MCM2: variants seen among roughly 807,000 people sequenced by gnomAD.
The protein encoded by MCM2 is minichromosome maintenance complex component 2, also known as DNA replication licensing factor MCM2.
In MCM2, 49 loss-of-function variants were observed where a neutral mutation model predicts 86.4. The observed-to-expected ratio is 0.57, with a 90% CI of 0.45 to 0.72. MCM2 has a LOEUF of 0.72. MCM2 is among the 30% of genes least tolerant of loss of function. MCM2 has a pLI of 0.00. For missense variants in MCM2, 1,038 were observed against 1,259.9 expected (o/e 0.82, Z 2.67); for synonymous variants, 475 against 484.6 (o/e 0.98, Z 0.26).
chr3:127,608,631 T>C, intron 7 of MCM2, 115 bp downstream of exon 7: 1 of 1,404,096 alleles, frequency 7.1e-7, no homozygotes, highest in Non-Finnish European at 9.8e-7. Context: ...GGCTAGGATC[T>C]GTTTTTGCAT....
Position 127,599,364 on chromosome 3 carries a change from G to C in MCM2, c.53G>C (p.Arg18Pro), listed in dbSNP as rs185298481. The C allele has an allele frequency of 2.6e-4, 420 of 1,614,108 alleles. 3 individuals are homozygous for C. In the East Asian group the frequency reaches 8.9e-3, roughly 34 times the overall value. ...ATGGCATCCAGCCCGGCCCAGCGTC[G>C]GCGAGGCAATGATCCTCTCACCTCC... ...FTMASSPAQR[R>P]RGNDPLTSSP... Residue 18 changes from arginine to proline, a missense_variant, in exon 2 of 16, where the codon CGG becomes CCG. Arg to Pro is a moderately radical substitution (Grantham distance 103). Coordinates refer to ENST00000265056, the MANE Select transcript of MCM2 (RefSeq NM_004526.4).
At position 127,621,937 on chromosome 3, in the gene MCM2, C is replaced by T; in HGVS notation, c.*164C>T. The T allele has an allele frequency of 3.5e-6, 2 of 576,172 alleles. No homozygotes were observed. Among genetic ancestry groups the T allele is most frequent in the South Asian group, 2.1e-5 (1 of 47,366 alleles). 35.7% of individuals were successfully genotyped at this position (576,172 alleles called of 1,614,324 possible). ...GCACCTGGCATGACTGTTTGTTTCT[C>T]CAAGCCTGCTTTGTGCTTCTCACCT... On this transcript the variant is annotated 3_prime_UTR_variant, in exon 16 of 16. Transcript: ENST00000265056.
intron 9 of MCM2, 29 bp from the exon 10 acceptor site, chr3:127,616,839 C>A: frequency 6.2e-7 from 1 of 1,602,022 alleles, no homozygotes; most frequent in South Asian, 1.1e-5. Context: ...CCACTCTCCC[C>A]CTCCCCCGCT....
In MCM2 at chr3:127,608,522, T is replaced by C. The variant is rs200726922; in HGVS notation, c.1236+6T>C. ...GCAAGCCAGGAGACGAGATAGTAAG[T>C]GGCCGGGGCAGGCTGGGAGGGAGCC... On this transcript the variant is annotated splice_donor_region_variant and intron_variant, in intron 7 of 15. Coordinates refer to ENST00000265056, the MANE Select transcript of MCM2 (RefSeq NM_004526.4). 1.3e-4 allele frequency: 214 copies of C among 1,613,888 alleles called. No homozygotes were observed. Among genetic ancestry groups the C allele is most frequent in the Non-Finnish European group, 1.8e-4 (211 of 1,179,972 alleles).
Position 127,617,218 on chromosome 3 carries a change from A to C in MCM2, c.1774-61A>C, listed in dbSNP as rs1158525707. Reference sequence around the variant, plus strand: ...TGTTAATGGGGTCCATTGGGACCTCATCGGAGACTTAGTAGTAGGGGCGTG... The same window carrying C: ...TGTTAATGGGGTCCATTGGGACCTCCTCGGAGACTTAGTAGTAGGGGCGTG... On this transcript the variant is annotated intron_variant, in intron 10 of 15. Transcript: ENST00000265056. The surrounding 1 kb of genome is among the most constrained non-coding windows in gnomAD (Gnocchi z 4.1). The C allele has an allele frequency of 6.2e-7, 1 of 1,608,320 alleles. No individual in the cohort carries two copies. The highest frequency in any genetic ancestry group is 8.5e-7 in the Non-Finnish European group (1 of 1,175,834).
chr3:127,600,055 G>A (rs553780271), intron 2 of MCM2, among the ~76,000 whole-genome samples: 3 of 152,336 alleles, frequency 2.0e-5, no homozygotes, highest in East Asian at 1.9e-4. Context: ...CGAGGTGGGC[G>A]GATCACCTGA....
rs146623207 is a variant in MCM2, at chr3:127,610,902, C to T, written c.1428+1879C>T. 974 of 456,636 alleles carry T rather than the reference C, an allele frequency of 2.1e-3. 11 individuals carry two copies. The highest frequency in any genetic ancestry group is 0.015 in the South Asian group (940 of 64,562). The allele number at this position is 456,636 out of a possible 1,614,324, so 28.3% of individuals were successfully genotyped here. On this transcript the variant is annotated intron_variant, in intron 8 of 15. Transcript: ENST00000265056. ...CATAGGAGAGGTGGGTGTTTCTCAG[C>T]GTCAGGAAGCCAGGAGCTTCAGTTC... is the stretch of plus-strand genomic sequence containing the variant.
intron 8 of MCM2, among the ~76,000 whole-genome samples, chr3:127,614,484 T>C (rs1430734502): frequency 6.6e-6 from 1 of 152,214 alleles, no homozygotes; most frequent in East Asian, 1.9e-4. Context: ...TTTCTCCATC[T>C]CTTTTTTCCT....
In MCM2 at chr3:127,606,658, C is replaced by T; in HGVS notation, c.942C>T (p.Ser314=). Residue 314 remains serine, a synonymous_variant, in exon 6 of 16, where the codon AGC becomes AGT. Transcript: ENST00000265056. The surrounding 1 kb of genome is among the most constrained non-coding windows in gnomAD (Gnocchi z 4.2). ...QLIRTSGVVT[S]CTGVLPQLSM... The stretch of plus-strand genomic sequence containing the variant: ...TCCGCACCAGTGGGGTGGTGACCAG[C>T]TGCACTGGCGTCCTGCCCCAGCTCA... 1 of 1,614,218 alleles carries T rather than the reference C, an allele frequency of 6.2e-7. No homozygotes were observed. Among genetic ancestry groups the T allele is most frequent in the Non-Finnish European group, 8.5e-7 (1 of 1,180,050 alleles).
At chr3:127,602,555 C>T (rs1358839496) in intron 2 of MCM2, among the ~76,000 whole-genome samples, 1 of 152,136 alleles carries the variant, frequency 6.6e-6, no homozygotes. Context: ...CCCTCAACTA[C>T]CCATTTCCTC....
intron 8 of MCM2, 80 bp downstream of exon 8, chr3:127,609,103 A>G: frequency 6.9e-7 from 1 of 1,447,608 alleles, no homozygotes; most frequent in Non-Finnish European, 9.5e-7. Flanking sequence ...GTAGGCACCT[A>G]GGGCTCACTG....
rs370122469 is a variant in MCM2 at position 127,606,124 on chromosome 3, G to A, written c.680G>A (p.Arg227His). The A allele has an allele frequency of 1.3e-5, 21 of 1,613,904 alleles. No individual in the cohort carries two copies. The Middle Eastern group carries it at 4.9e-4, about 38-fold the overall frequency. Residue 227 changes from arginine to histidine, a missense_variant, in exon 5 of 16, where the codon CGT becomes CAT. By Grantham distance (29) the Arg-to-His change is conservative. Around this residue, in one of 4 missense-constraint regions of MCM2, gnomAD observed 399 missense variants for 507.2 expected, o/e 0.79. Transcript: ENST00000265056. This position sits in a 1 kb window ranked among gnomAD's most constrained non-coding sequence, Gnocchi z 4.2. Reference protein sequence around the residue: ...ERISDMCKENRESLVVNYEDL... With the variant: ...ERISDMCKENHESLVVNYEDL... ...CCACTGTGCCCCCTTCTAGAGAACC[G>A]TGAGAGCCTGGTGGTGAACTATGAG... is the stretch of plus-strand genomic sequence containing the variant.
At chr3:127,619,550 A>C (rs1055513384) in intron 13 of MCM2, among the ~76,000 whole-genome samples, 15 of 152,140 alleles carry the variant, frequency 9.9e-5, no homozygotes, top group African/African-American at 3.6e-4. Flanking sequence ...GTGGTGGCAC[A>C]TGCCTGTAAT....
intron 2 of MCM2, among the ~76,000 whole-genome samples, chr3:127,602,940 C>T (rs1362148902): frequency 6.6e-6 from 1 of 151,224 alleles, no homozygotes; most frequent in African/African-American, 2.4e-5. Flanking sequence ...TCTTATTGGG[C>T]GCATAGAAGC....
At chr3:127,600,395 GATCTGGTAGATAACGT>G (rs2107684960) in intron 2 of MCM2, among the ~76,000 whole-genome samples, 1 of 152,360 alleles carries the variant, frequency 6.6e-6, no homozygotes, top group East Asian at 1.9e-4. Flanking sequence ...TTCCAGCTGC[GATCTGGTAGATAACGT>G]CAGTAGCGGA....
At chr3:127,621,015 A>G in intron 14 of MCM2, 58 bp from the exon 15 acceptor site, 8 of 1,602,602 alleles carry the variant, frequency 5.0e-6, no homozygotes, top group Non-Finnish European at 6.0e-6. Context: ...ACGTAGGGTA[A>G]AGGGAGTGTG....
intron 2 of MCM2, among the ~76,000 whole-genome samples, chr3:127,603,669 G>A (rs1387437660): frequency 6.8e-6 from 1 of 147,016 alleles, no homozygotes; most frequent in Admixed American, 6.8e-5. Context: ...TTTTCTTTTT[G>A]TTTTTTTTGA....
intron 2 of MCM2, among the ~76,000 whole-genome samples, chr3:127,600,301 A>G (rs1193145367): frequency 1.3e-5 from 2 of 152,214 alleles, no homozygotes; most frequent in African/African-American, 4.8e-5. Flanking sequence ...TAAATAAATA[A>G]GTTAGCAAGA....
intron 6 of MCM2, among the ~76,000 whole-genome samples, chr3:127,607,650 A>G (rs2074361466): frequency 6.6e-6 from 1 of 152,234 alleles, no homozygotes; most frequent in African/African-American, 2.4e-5. Flanking sequence ...GACCTGAGAT[A>G]GTACCTGGTA....
Sources: allele counts gnomAD v4.1 joint callset (sites outside exome capture counted in the v4.1 genomes callset), GRCh38; gene constraint gnomAD v4.1.1; regional missense constraint gnomAD v4.1.1; non-coding constraint Gnocchi (gnomAD v3.1); transcripts MANE v1.5; gene names NCBI Gene and HGNC (gene_info 2026-07-23, HGNC 2026-07-21).